DDB1: variants seen among roughly 807,000 people sequenced by gnomAD.
DDB1 encodes DNA damage-binding protein 1.
In DDB1, 18 loss-of-function variants were observed where a neutral mutation model predicts 133.1. The ratio of observed to expected loss-of-function variants is 0.14; its 90% confidence interval spans 0.09 to 0.20. The LOEUF (loss-of-function observed/expected upper bound fraction) is 0.20. Ranked by LOEUF, DDB1 falls within the 10% of genes least tolerant of loss-of-function variation. DDB1 has a pLI of 1.00. For missense variants in DDB1, 828 were observed against 1,459.2 expected, an observed-to-expected ratio of 0.57 and a Z score of 7.05; for synonymous variants, 580 against 550.5, an observed-to-expected ratio of 1.05 and a Z score of -0.75.
chr11:61,321,145 G>A (rs1452024362), intron 10 of DDB1: 2 of 153,558 alleles, frequency 1.3e-5, no homozygotes, highest in African/African-American at 4.8e-5. Context: ...GCCTCCCAAA[G>A]TGCTGTAATG....
rs989563980 is a variant in DDB1 at position 61,313,852 on chromosome 11, C to T, written c.1861+10G>A. On this transcript the variant is annotated intron_variant, in intron 15 of 26. Transcript: ENST00000301764. ...TTGAAAGAGTCCCTCACTCAAAATACTACTCTCACCTGTCTCAATGTTGAG... is the reference window on the plus strand; with the variant it reads ...TTGAAAGAGTCCCTCACTCAAAATATTACTCTCACCTGTCTCAATGTTGAG... The T allele has an allele frequency of 1.2e-6, 2 of 1,613,808 alleles. No individual in the cohort carries two copies. Among genetic ancestry groups the T allele is most frequent in the Non-Finnish European group, 1.7e-6 (2 of 1,179,724 alleles).
intron 10 of DDB1, among the ~76,000 whole-genome samples, chr11:61,318,774 G>A (rs1006015915): frequency 6.6e-6 from 1 of 152,036 alleles, no homozygotes. Flanking sequence ...TCATAGTTAT[G>A]GCTTCATTTT....
intron 21 of DDB1, among the ~76,000 whole-genome samples, chr11:61,308,179 CTTGG>C (rs1855907151): frequency 6.6e-6 from 1 of 152,186 alleles, no homozygotes. Context: ...CTGGCTGTCC[CTTGG>C]ACTCATCTCT....
chr11:61,309,910 A>G lies in DDB1; in HGVS notation c.2452T>C (p.Ser818Pro). ...TTGGGGTCTTTGCCCAGCTTGCAGG[A>G]AACCAGACTGAGGGCATATTCATTC... ...LQNEYALSLV[S>P]CKLGKDPNTY... The change falls in exon 20 of 27, where the codon TCC becomes CCC. Residue 818 changes from serine (S) to proline (P), a missense_variant. Physicochemically the swap from Ser to Pro is moderately conservative, Grantham distance 74. Around this residue, in one of 7 missense-constraint regions of DDB1, gnomAD observed 396 missense variants for 554.1 expected, o/e 0.71. Coordinates refer to ENST00000301764, the MANE Select transcript of DDB1 (RefSeq NM_001923.5). The G allele has an allele frequency of 6.2e-7, 1 of 1,614,248 alleles. No homozygotes were observed. The highest frequency in any genetic ancestry group is 1.3e-5 in the African/African-American group (1 of 75,066).
chr11:61,317,795 G>A (rs755494786), intron 10 of DDB1, among the ~76,000 whole-genome samples: 10 of 152,200 alleles, frequency 6.6e-5, no homozygotes, highest in Non-Finnish European at 1.2e-4. Context: ...GTGAGCCACT[G>A]TACCCAGCCT....
In DDB1 at chr11:61,299,777, A is replaced by T. The variant is rs1298813060; in HGVS notation, c.*359T>A. The stretch of plus-strand genomic sequence containing the variant: ...AGAGGACAATGCATGAGTGTGAGAT[A>T]CACATACACACACACACATACACAC... On this transcript the variant is annotated 3_prime_UTR_variant, in exon 27 of 27. Coordinates refer to ENST00000301764, the MANE Select transcript of DDB1 (RefSeq NM_001923.5). The T allele has an allele frequency of 6.1e-6, 2 of 327,674 alleles. No homozygotes were observed. Among genetic ancestry groups the T allele is most frequent in the Non-Finnish European group, 1.2e-5 (2 of 170,532 alleles). The allele number at this position is 327,674 out of a possible 1,614,324, so 20.3% of individuals were successfully genotyped here.
chr11:61,322,662 G>A, intron 8 of DDB1: 4 of 549,346 alleles, frequency 7.3e-6, no homozygotes, highest in Middle Eastern at 4.5e-4. Context: ...GTGAATGTTT[G>A]AAAATTAATG....
In DDB1 at chr11:61,314,505, A is replaced by C; in HGVS notation, c.1411-19T>G. 1 of 1,597,706 alleles carries C rather than the reference A, an allele frequency of 6.3e-7. No individual in the cohort carries two copies. ...AAGTGATCTAGATAAACAGCAGATGAACAAATGTCTCCAAGCATCTGCCAG... is the reference window on the plus strand; with the variant it reads ...AAGTGATCTAGATAAACAGCAGATGCACAAATGTCTCCAAGCATCTGCCAG... On this transcript the variant is annotated intron_variant, in intron 12 of 26. Transcript: ENST00000301764.
intron 21 of DDB1, among the ~76,000 whole-genome samples, chr11:61,304,260 A>C (rs1855847724): frequency 6.6e-6 from 1 of 152,192 alleles, no homozygotes; most frequent in Admixed American, 6.5e-5. Flanking sequence ...AAAACTTCCC[A>C]AGTTTTCCTT....
chr11:61,321,228 G>C (rs1004571522), intron 10 of DDB1: 1 of 156,264 alleles, frequency 6.4e-6, no homozygotes, highest in Admixed American at 6.5e-5. Flanking sequence ...AATTTAGGAA[G>C]ATTTATATTT....
At chr11:61,321,782 C>T (rs1253225666) in intron 9 of DDB1, 85 bp from the exon 10 acceptor site, 1 of 1,194,524 alleles carries the variant, frequency 8.4e-7, no homozygotes. Context: ...ACACGGTATA[C>T]CTAAATCCAA....
rs199780561 is a variant in DDB1 at position 61,316,585 on chromosome 11, G to C, written c.1226-18C>G. ...CCATAATCCTGGAACAAGGACCAAG[G>C]ATTCAGATGCATAGGACAGACCAAC... On this transcript the variant is annotated intron_variant, in intron 10 of 26. Coordinates refer to ENST00000301764, the MANE Select transcript of DDB1 (RefSeq NM_001923.5). 3 of 1,613,726 alleles carry C rather than the reference G, an allele frequency of 1.9e-6. No individual in the cohort carries two copies. The South Asian group carries it at 3.3e-5, about 18-fold the overall frequency.
intron 18 of DDB1, 75 bp from the exon 19 acceptor site, chr11:61,310,493 G>C: frequency 1.4e-6 from 2 of 1,476,968 alleles, no homozygotes; most frequent in Non-Finnish European, 1.8e-6. Context: ...GAAGGGACCC[G>C]TCAGATCAGG....
chr11:61,316,623 T>C (rs1856071838), intron 10 of DDB1, 56 bp from the exon 11 acceptor site: 7 of 1,574,246 alleles, frequency 4.4e-6, no homozygotes, highest in African/African-American at 1.4e-5. Flanking sequence ...TTAGCATGCA[T>C]ATCTACGGAC....
rs1035277485 is a variant in DDB1, at chr11:61,329,453, C to T, written c.459G>A (p.Lys153=). The T allele has an allele frequency of 6.2e-7, 1 of 1,614,170 alleles. No homozygotes were observed. Among genetic ancestry groups the T allele is most frequent in the South Asian group, 1.1e-5 (1 of 91,080 alleles). Residue 153 remains lysine, a synonymous_variant, in exon 4 of 27, where the codon AAG becomes AAA. Coordinates refer to ENST00000301764, the MANE Select transcript of DDB1 (RefSeq NM_001923.5). The part of the protein sequence containing the change: ...IPLDRDNKEL[K]AFNIRLEELH... ...GCTCCTCCAGGCGGATGTTGAAGGCCTTGAGTTCTTTATTATCGCGATCTA... is the reference window on the plus strand; with the variant it reads ...GCTCCTCCAGGCGGATGTTGAAGGCTTTGAGTTCTTTATTATCGCGATCTA...
intron 20 of DDB1, among the ~76,000 whole-genome samples, chr11:61,309,454 A>G (rs1259748245): frequency 6.6e-6 from 1 of 152,206 alleles, no homozygotes; most frequent in Non-Finnish European, 1.5e-5. Flanking sequence ...AGCTGGAAAG[A>G]GCACCTAAAT....
In DDB1 at chr11:61,308,216, CCA is replaced by C. The variant is rs28720337; in HGVS notation, c.2661+765_2661+766del. On this transcript the variant is annotated intron_variant, in intron 21 of 26. Transcript: ENST00000301764. ...TCTCACCAGAACACCAGCTCAGTCCCCACAGACACCAGGCCCGCCCACTCTCA... is the reference window on the plus strand; with the variant it reads ...TCTCACCAGAACACCAGCTCAGTCCCCAGACACCAGGCCCGCCCACTCTCA... 3.3e-3 allele frequency among the ~76,000 whole-genome samples: 507 copies of C among 152,312 alleles called. 5 individuals carry two copies. Among genetic ancestry groups the C allele is most frequent in the African/African-American group, 0.012 (488 of 41,568 alleles).
chr11:61,309,190 T>TA (rs1386891717), intron 20 of DDB1, 113 bp from the exon 21 acceptor site: 3 of 928,502 alleles, frequency 3.2e-6, no homozygotes, highest in Non-Finnish European at 5.1e-6. Context: ...ACCACTCATC[T>TA]AAAAAAACAA....
At position 61,329,408 on chromosome 11, in the gene DDB1, C is replaced by T; in HGVS notation, c.504G>A (p.Lys168=). 1 of 1,614,206 alleles carries T rather than the reference C, an allele frequency of 6.2e-7. No homozygotes were observed. Among genetic ancestry groups the T allele is most frequent in the Non-Finnish European group, 8.5e-7 (1 of 1,180,030 alleles). Residue 168 remains lysine (K), a synonymous_variant, in exon 4 of 27, where the codon AAG becomes AAA. Transcript: ENST00000301764. Reference sequence around the variant, plus strand: ...TAGGTGCTTGGCAACCATATAGGAACTTGACATCAATGACATGCAGCTCCT... The same window carrying T: ...TAGGTGCTTGGCAACCATATAGGAATTTGACATCAATGACATGCAGCTCCT... The part of the protein sequence containing the change: ...RLEELHVIDV[K]FLYGCQAPTI...
Sources: gnomAD v4.1 joint callset for allele counts (sites outside exome capture counted in the v4.1 genomes callset) on GRCh38, gnomAD v4.1.1 for gene constraint, gnomAD v4.1.1 regional missense constraint, MANE v1.5 for transcripts, NCBI Gene and HGNC (gene_info 2026-07-23, HGNC 2026-07-21) for gene names.